Variants in CARNMT1 observed in about 807,000 individuals in gnomAD.
The protein encoded by CARNMT1 is protein-L-histidine N-pros-methyltransferase CARNMT1.
A neutral mutation model predicts 49.6 loss-of-function variants in CARNMT1; 28 were observed. That is an observed-to-expected ratio of 0.56 (90% CI 0.42 to 0.77). The LOEUF (loss-of-function observed/expected upper bound fraction) is 0.77. Ranked by LOEUF, CARNMT1 falls within the 30% of genes least tolerant of loss-of-function variation. The pLI is 0.00. For synonymous variants in CARNMT1, 178 were observed against 175.0 expected (o/e 1.02, Z -0.13); for missense variants, 421 against 512.6 (o/e 0.82, Z 1.73).
rs759355400 is a variant in CARNMT1, at chr9:74,983,641, G to A, written c.*126C>T. ...AAAATAGACACTATTTCTAAATTTCGTTAGGAATAAGAAGGCACCACTGAT... is the reference window on the plus strand; with the variant it reads ...AAAATAGACACTATTTCTAAATTTCATTAGGAATAAGAAGGCACCACTGAT... On this transcript the variant is annotated 3_prime_UTR_variant, in exon 8 of 8. Transcript: ENST00000376834. 24 of 520,296 alleles carry A rather than the reference G, an allele frequency of 4.6e-5. No individual in the cohort carries two copies. Among genetic ancestry groups the A allele is most frequent in the Non-Finnish European group, 7.3e-5 (21 of 286,088 alleles). 32.2% of individuals were successfully genotyped at this position (520,296 alleles called of 1,614,324 possible).
intron 1 of CARNMT1, among the ~76,000 whole-genome samples, chr9:75,020,526 A>G (rs1822316585): frequency 6.6e-6 from 1 of 152,102 alleles, no homozygotes; most frequent in East Asian, 1.9e-4. Flanking sequence ...TCCGCCTTCC[A>G]AAGTGCTGGG....
intron 3 of CARNMT1, among the ~76,000 whole-genome samples, chr9:75,005,255 C>T (rs981804917): frequency 3.0e-4 from 45 of 152,096 alleles, no homozygotes; most frequent in African/African-American, 9.9e-4. Context: ...AAACAAAAAC[C>T]AGAGGATACG....
At chr9:75,015,787 A>AAAATAAAT (rs892363196) in intron 3 of CARNMT1, 42 of 149,140 alleles carry the variant, frequency 2.8e-4, no homozygotes, top group African/African-American at 9.6e-4. Flanking sequence ...CTGTCTCAAA[A>AAAATAAAT]AAATAAATAA....
chr9:75,012,206 C>G (rs183069237), intron 3 of CARNMT1, among the ~76,000 whole-genome samples: 3 of 151,900 alleles, frequency 2.0e-5, no homozygotes, highest in Admixed American at 6.6e-5. Context: ...CTGAATATCA[C>G]TTATATCTGA....
At chr9:74,984,227 CAT>C (rs1030321989) in intron 7 of CARNMT1, among the ~76,000 whole-genome samples, 7 of 152,132 alleles carry the variant, frequency 4.6e-5, no homozygotes, top group African/African-American at 7.2e-5. Context: ...TAGTAATGCA[CAT>C]GATTAAAAAA....
At chr9:75,012,842 C>T (rs1233341552) in intron 3 of CARNMT1, among the ~76,000 whole-genome samples, 5 of 150,834 alleles carry the variant, frequency 3.3e-5, no homozygotes, top group Admixed American at 2.0e-4. Flanking sequence ...GGCGTGAACC[C>T]GGGAGGCGGA....
chr9:75,028,088 G>T lies in CARNMT1; in HGVS notation c.154C>A (p.Arg52Ser), dbSNP rs1822584588. ...AVSAAAAAATRSTEEEEERLE... is the reference protein window; with the variant it reads ...AVSAAAAAATSSTEEEEERLE... ...CTCTCCTCCTCCTCCTCGGTGCTGC[G>T]CGTGGCCGCCGCCGCTGCCGCCGAA... The change falls in exon 1 of 8, where the codon CGC (arginine) becomes AGC (serine). Residue 52 changes from arginine (R) to serine (S), a missense_variant. Around this residue, in one of 2 missense-constraint regions of CARNMT1, gnomAD observed 186 missense variants for 167.9 expected, o/e 1.11. Coordinates refer to ENST00000376834, the MANE Select transcript of CARNMT1 (RefSeq NM_152420.3). 6.4e-7 allele frequency: 1 copy of T among 1,560,590 alleles called. No individual in the cohort carries two copies. The highest frequency in any genetic ancestry group is 8.7e-7 in the Non-Finnish European group (1 of 1,155,558).
intron 3 of CARNMT1, among the ~76,000 whole-genome samples, chr9:75,008,168 T>TAA (rs71368697): frequency 0.047 from 2,285 of 48,704 alleles, 280 homozygotes; most frequent in East Asian, 0.16. Flanking sequence ...GCTGATGAGC[T>TAA]AAAAAAAAAA....
chr9:75,028,426 G>A, upstream of CARNMT1: 1 of 1,280,008 alleles, frequency 7.8e-7, no homozygotes, highest in Non-Finnish European at 9.8e-7. Flanking sequence ...AGGGCTCCCA[G>A]AACCAATGCG....
chr9:75,024,565 A>G (rs768150036), intron 1 of CARNMT1, among the ~76,000 whole-genome samples: 2 of 152,228 alleles, frequency 1.3e-5, no homozygotes, highest in Non-Finnish European at 2.9e-5. Flanking sequence ...CATTTTTGCT[A>G]TTCAATACAA....
intron 6 of CARNMT1, among the ~76,000 whole-genome samples, chr9:74,994,371 G>A (rs143047914): frequency 2.0e-4 from 30 of 152,352 alleles, no homozygotes; most frequent in Non-Finnish European, 3.1e-4. Context: ...TTTCTTCAGG[G>A]TAACCTGAGT....
chr9:74,999,761 TA>T lies in CARNMT1; in HGVS notation c.699del (p.Phe233LeufsTer59). On this transcript the variant is annotated frameshift_variant, in exon 4 of 8. Transcript: ENST00000376834. LOFTEE classifies it high-confidence loss of function. The stretch of plus-strand genomic sequence containing the variant: ...AGTACAAAGTTGGAAGAAAAGAGCA[TA>T]AAAAAACTCCATTCATTTCCTTGAC... ...YACQGNEWSF[F>X]MLFSSNFVLN... 6.2e-7 allele frequency: 1 copy of T among 1,612,514 alleles called. No individual in the cohort carries two copies. The highest frequency in any genetic ancestry group is 8.5e-7 in the Non-Finnish European group (1 of 1,179,262).
intron 2 of CARNMT1, chr9:75,016,699 G>C: frequency 2.7e-6 from 1 of 366,216 alleles, no homozygotes; most frequent in Non-Finnish European, 4.9e-6. Flanking sequence ...AAACTGAGCT[G>C]CTATGGAGAC....
chr9:74,983,738 T>A lies in CARNMT1; in HGVS notation c.*29A>T. 1.4e-6 allele frequency: 2 copies of A among 1,410,878 alleles called. No individual in the cohort carries two copies. Among genetic ancestry groups the A allele is most frequent in the Non-Finnish European group, 2.0e-6 (2 of 1,023,194 alleles). The allele number at this position is 1,410,878 out of a possible 1,614,324, so 87.4% of individuals were successfully genotyped here. A position where few individuals can be genotyped will look rare whatever the true frequency, so the allele number is the denominator to read the frequency against. ...ATTTCAGCATTTGTTCTTACTAAAC[T>A]TTTTTCCAGGTGGTATCACTTGAGA... On this transcript the variant is annotated 3_prime_UTR_variant, in exon 8 of 8. Coordinates refer to ENST00000376834, the MANE Select transcript of CARNMT1 (RefSeq NM_152420.3).
At position 75,028,152 on chromosome 9, in the gene CARNMT1, C is replaced by T. The variant is rs577316354; in HGVS notation, c.90G>A (p.Val30=). 5.8e-6 allele frequency: 9 copies of T among 1,540,710 alleles called. No individual in the cohort carries two copies. In the South Asian group the frequency reaches 9.6e-5, roughly 16 times the overall value. The stretch of plus-strand genomic sequence containing the variant: ...AGCCCCAACGCCCGGCGGAAAACTG[C>T]ACTTCCACCTCCTCGCTGCCACCGC... ...GGGGGSEEVE[V]QFSAGRWGSA... Residue 30 remains valine (V), a synonymous_variant, in exon 1 of 8, where the codon GTG becomes GTA. Coordinates refer to ENST00000376834, the MANE Select transcript of CARNMT1 (RefSeq NM_152420.3).
At position 75,028,104 on chromosome 9, in the gene CARNMT1, T is replaced by TGCCGCCGAAACCGCCGCG. The variant is rs1370140862; in HGVS notation, c.120_137dup (p.Val43_Ala48dup). 6.4e-7 allele frequency: 1 copy of TGCCGCCGAAACCGCCGCG among 1,557,062 alleles called. No individual in the cohort carries two copies. The highest frequency in any genetic ancestry group is 8.7e-7 in the Non-Finnish European group (1 of 1,153,108). ...CGGTGCTGCGCGTGGCCGCCGCCGC[T>TGCCGCCGAAACCGCCGCG]GCCGCCGAAACCGCCGCGGCCGAGC... On this transcript the variant is annotated inframe_insertion, in exon 1 of 8. Coordinates refer to ENST00000376834, the MANE Select transcript of CARNMT1 (RefSeq NM_152420.3).
At chr9:75,027,311 G>C (rs1822559907) in intron 1 of CARNMT1, 1 of 692,778 alleles carries the variant, frequency 1.4e-6, no homozygotes, top group Non-Finnish European at 1.8e-6. Context: ...ACACCAGGGA[G>C]AATTAGATAC....
At position 75,016,309 on chromosome 9, in the gene CARNMT1, T is replaced by C. The variant is rs774291008; in HGVS notation, c.549A>G (p.Pro183=). The C allele has an allele frequency of 1.9e-6, 3 of 1,613,694 alleles. No homozygotes were observed. Among genetic ancestry groups the C allele is most frequent in the African/African-American group, 2.7e-5 (2 of 75,018 alleles). The change falls in exon 3 of 8, where the codon CCA becomes CCG. Residue 183 remains proline (P), a synonymous_variant. Transcript: ENST00000376834. ...GKAERDACYQ[P]IIKEILKNFP... ...AATTTTTTAAAATTTCTTTAATGATTGGCTGGTAACAGGCATCCCTTTCTG... is the reference window on the plus strand; with the variant it reads ...AATTTTTTAAAATTTCTTTAATGATCGGCTGGTAACAGGCATCCCTTTCTG...
At chr9:75,024,416 C>A (rs1234852861) in intron 1 of CARNMT1, among the ~76,000 whole-genome samples, 1 of 152,136 alleles carries the variant, frequency 6.6e-6, no homozygotes, top group African/African-American at 2.4e-5. Flanking sequence ...AAAATCAGTT[C>A]TAAATCTCAA....
Sources: allele counts gnomAD v4.1 joint callset (sites outside exome capture counted in the v4.1 genomes callset), GRCh38; gene constraint gnomAD v4.1.1; regional missense constraint gnomAD v4.1.1; transcripts MANE v1.5; gene names NCBI Gene and HGNC (gene_info 2026-07-23, HGNC 2026-07-21).